Variants in PTPRT observed in about 807,000 individuals in gnomAD.
The protein encoded by PTPRT is protein tyrosine phosphatase receptor type T.
A neutral mutation model predicts 176.8 loss-of-function variants in PTPRT; 56 were observed. The observed-to-expected ratio is 0.32, with a 90% CI of 0.26 to 0.40. PTPRT has a LOEUF of 0.40. PTPRT is among the 10% of genes least tolerant of loss of function. The probability of loss-of-function intolerance (pLI) is 1.00; values close to 1 mark genes in which losing one functional copy is unlikely to be tolerated. For synonymous variants in PTPRT, 783 were observed against 739.0 expected (o/e 1.06, Z -0.96); for missense variants, 1,540 against 1,908.2 (o/e 0.81, Z 3.60).
intron 1 of PTPRT, among the ~76,000 whole-genome samples, chr20:43,150,837 G>T (rs549205402): frequency 1.4e-4 from 21 of 152,252 alleles, no homozygotes; most frequent in African/African-American, 5.1e-4. Flanking sequence ...TTACAGAGTT[G>T]GTACAATGGA....
At chr20:42,717,895 G>A (rs928839089) in intron 6 of PTPRT, among the ~76,000 whole-genome samples, 2 of 150,466 alleles carry the variant, frequency 1.3e-5, no homozygotes, top group African/African-American at 2.4e-5. Flanking sequence ...GTGCATGCGC[G>A]TGCACACGCG....
chr20:42,579,664 G>T (rs749756694), intron 7 of PTPRT, among the ~76,000 whole-genome samples: 5 of 152,208 alleles, frequency 3.3e-5, no homozygotes, highest in African/African-American at 4.8e-5. Flanking sequence ...GGCCAGTGAT[G>T]ATGAGCATTT....
intron 16 of PTPRT, among the ~76,000 whole-genome samples, chr20:42,198,256 T>A (rs1182053663): frequency 6.6e-6 from 1 of 152,222 alleles, no homozygotes; most frequent in African/African-American, 2.4e-5. Flanking sequence ...ACTAAGGATC[T>A]TACAGGACTA....
rs2057208527 is a variant in PTPRT, at chr20:42,285,142, A to G, written c.2140-2617T>C. ...TTCAGCTTCTGTTGGCTTCCATTCC[A>G]ATAGCACCATACCCTGTGTTTTGGT... On this transcript the variant is annotated intron_variant, in intron 12 of 30. Coordinates refer to ENST00000373187, the MANE Select transcript of PTPRT (RefSeq NM_007050.6). Among the ~76,000 whole-genome samples the G allele has an allele frequency of 3.3e-5, 5 of 152,040 alleles. No homozygotes were observed. The South Asian group carries it at 1.0e-3, about 31-fold the overall frequency.
intron 7 of PTPRT, among the ~76,000 whole-genome samples, chr20:42,498,613 G>T (rs1288546558): frequency 6.6e-6 from 1 of 152,118 alleles, no homozygotes; most frequent in Non-Finnish European, 1.5e-5. Flanking sequence ...GTCTTTTCAG[G>T]AGATTTTGAC....
intron 7 of PTPRT, among the ~76,000 whole-genome samples, chr20:42,508,196 T>C (rs556498061): frequency 2.1e-5 from 3 of 142,810 alleles, no homozygotes; most frequent in Non-Finnish European, 4.6e-5. Flanking sequence ...CTTTTAGATA[T>C]GCAAAAAAAA....
intron 7 of PTPRT, among the ~76,000 whole-genome samples, chr20:42,608,767 C>T (rs1241094845): frequency 6.6e-6 from 1 of 152,164 alleles, no homozygotes; most frequent in African/African-American, 2.4e-5. Flanking sequence ...CCAGGCTTCT[C>T]ACCGCATACA....
intron 7 of PTPRT, among the ~76,000 whole-genome samples, chr20:42,548,328 GAATTGAATAATGA>G (rs2072711208): frequency 6.6e-6 from 1 of 151,950 alleles, no homozygotes; most frequent in Non-Finnish European, 1.5e-5. Flanking sequence ...AGTAATAGTG[GAATTGAATAATGA>G]GCTCTGAGAA....
intron 6 of PTPRT, among the ~76,000 whole-genome samples, chr20:42,681,333 T>C (rs1246339636): frequency 6.6e-6 from 1 of 152,198 alleles, no homozygotes; most frequent in Admixed American, 6.5e-5. Context: ...TGAAATTTAA[T>C]GCAGCCAAGT....
At chr20:42,625,232 T>C (rs1341819459) in intron 7 of PTPRT, among the ~76,000 whole-genome samples, 1 of 152,130 alleles carries the variant, frequency 6.6e-6, no homozygotes. Context: ...TCCAGGGTCC[T>C]GGAGAAGATG....
rs138912595 is a variant in PTPRT at position 42,590,785 on chromosome 20, C to T, written c.1153+87081G>A. ...AGAAAAAACTATGAGAAAGCCTGCT[C>T]ACTTAAAAACATATTATAAAACCTC... On this transcript the variant is annotated intron_variant, in intron 7 of 30. Coordinates refer to ENST00000373187, the MANE Select transcript of PTPRT (RefSeq NM_007050.6). Among the ~76,000 whole-genome samples the T allele has an allele frequency of 3.3e-3, 507 of 152,218 alleles. 12 individuals carry two copies. The South Asian group carries it at 0.039, about 12-fold the overall frequency.
intron 9 of PTPRT, among the ~76,000 whole-genome samples, chr20:42,431,602 T>C (rs1390898359): frequency 6.6e-6 from 1 of 152,216 alleles, no homozygotes; most frequent in Non-Finnish European, 1.5e-5. Context: ...GAAGAGATTA[T>C]AGGTGATCTT....
chr20:42,280,831 A>C (rs991694317), intron 13 of PTPRT, among the ~76,000 whole-genome samples: 1 of 152,206 alleles, frequency 6.6e-6, no homozygotes, highest in South Asian at 2.1e-4. Context: ...CACTGTCCCC[A>C]TATGTTCCTA....
chr20:42,945,085 G>A (rs946813202), intron 1 of PTPRT, among the ~76,000 whole-genome samples: 3 of 147,738 alleles, frequency 2.0e-5, no homozygotes, highest in Non-Finnish European at 4.5e-5. Flanking sequence ...TATAAAATAT[G>A]TAATATTTAT....
intron 7 of PTPRT, among the ~76,000 whole-genome samples, chr20:42,584,135 A>G (rs1400847454): frequency 6.6e-6 from 1 of 152,176 alleles, no homozygotes. Flanking sequence ...CTGATGCTAC[A>G]TGGAGTGGAA....
chr20:43,071,645 C>T (rs1422657283), intron 1 of PTPRT, among the ~76,000 whole-genome samples: 3 of 151,180 alleles, frequency 2.0e-5, no homozygotes, highest in Admixed American at 6.6e-5. Flanking sequence ...ATTAGCTGGG[C>T]GTGGTGGCAC....
intron 2 of PTPRT, among the ~76,000 whole-genome samples, chr20:42,827,790 C>T (rs569095506): frequency 1.3e-5 from 2 of 152,306 alleles, no homozygotes; most frequent in South Asian, 4.1e-4. Context: ...TTTCTTGGCA[C>T]TTCTCCTTAA....
At chr20:43,003,615 C>T (rs1217980397) in intron 1 of PTPRT, among the ~76,000 whole-genome samples, 1 of 152,206 alleles carries the variant, frequency 6.6e-6, no homozygotes, top group East Asian at 1.9e-4. Context: ...GATTTAAAAT[C>T]CCTTTTGCAA....
chr20:42,695,728 A>G (rs1442832238), intron 6 of PTPRT, among the ~76,000 whole-genome samples: 3 of 152,212 alleles, frequency 2.0e-5, no homozygotes, highest in African/African-American at 7.2e-5. Flanking sequence ...TTAATGATTC[A>G]TTAGTAAGCA....
Sources: allele counts gnomAD v4.1 joint callset (sites outside exome capture counted in the v4.1 genomes callset), GRCh38; gene constraint gnomAD v4.1.1; transcripts MANE v1.5; gene names NCBI Gene and HGNC (gene_info 2026-07-23, HGNC 2026-07-21).